The following MOBP variants were observed in gnomAD, a reference collection of about 807,000 sequenced individuals.
MOBP encodes the protein myelin-associated oligodendrocyte basic protein.
MOBP carries 5 observed loss-of-function variants against 15.0 expected under a neutral mutation model. The ratio of observed to expected loss-of-function variants is 0.33; its 90% confidence interval spans 0.17 to 0.70. MOBP has a LOEUF of 0.70. MOBP is among the 30% of genes least tolerant of loss of function. The pLI is 0.67. For missense variants in MOBP, 188 were observed against 257.8 expected (o/e 0.73, Z 1.85); for synonymous variants, 88 against 99.0 (o/e 0.89, Z 0.66).
At chr3:39,475,107 G>A (rs11715885) in intron 1 of MOBP, among the ~76,000 whole-genome samples, 16,121 of 152,008 alleles carry the variant, frequency 0.11, 1,142 homozygotes, top group Middle Eastern at 0.18. Flanking sequence ...TCAGTTTTTC[G>A]TTGTCTTTCA....
rs539938092 is a variant in MOBP, at chr3:39,500,924, T to A, written c.-4-1142T>A. ...TCAAGTGAAACATTGGGAAAGAATA[T>A]TTTTAACATACATAACAGATGTGAC... is the stretch of plus-strand genomic sequence containing the variant. On this transcript the variant is annotated intron_variant, in intron 2 of 3. Transcript: ENST00000684792. Among the ~76,000 whole-genome samples, 5 of 152,318 alleles carry A rather than the reference T, an allele frequency of 3.3e-5. No homozygotes were observed. The South Asian group carries it at 1.0e-3, about 32-fold the overall frequency.
intron 2 of MOBP, among the ~76,000 whole-genome samples, chr3:39,498,472 G>T (rs2042918404): frequency 6.6e-6 from 1 of 151,998 alleles, no homozygotes; most frequent in African/African-American, 2.4e-5. Context: ...TGCCTCAGCT[G>T]CCCGAGTAGC....
At chr3:39,478,387 A>G (rs1311434998) in intron 1 of MOBP, among the ~76,000 whole-genome samples, 4 of 152,226 alleles carry the variant, frequency 2.6e-5, no homozygotes, top group Non-Finnish European at 5.9e-5. Context: ...CTAGGTGTGT[A>G]GCAGGCTAAA....
intron 4 of MOBP, among the ~76,000 whole-genome samples, chr3:39,510,137 T>C (rs1316487062): frequency 6.6e-6 from 1 of 152,154 alleles, no homozygotes; most frequent in African/African-American, 2.4e-5. Flanking sequence ...CAGTTGATCA[T>C]ATATTTATGG....
At chr3:39,524,076 T>C (rs536462251) in intron 3 of MOBP, among the ~76,000 whole-genome samples, 2 of 152,192 alleles carry the variant, frequency 1.3e-5, no homozygotes, top group Non-Finnish European at 2.9e-5. Context: ...GGGCTGGGAT[T>C]GCCACCCTTC....
intron 4 of MOBP, among the ~76,000 whole-genome samples, chr3:39,510,290 T>A (rs931906828): frequency 1.3e-5 from 2 of 152,098 alleles, no homozygotes. Context: ...TTTAAAAAAA[T>A]TGTTCTGGTA....
At chr3:39,483,139 A>ATTGTTCATTGTCT (rs970158383) in intron 2 of MOBP, among the ~76,000 whole-genome samples, 2 of 152,180 alleles carry the variant, frequency 1.3e-5, no homozygotes, top group African/African-American at 4.8e-5. Context: ...TCCTGAGATC[A>ATTGTTCATTGTCT]TTGTTCATTG....
chr3:39,523,646 A>C (rs546447842), intron 3 of MOBP, among the ~76,000 whole-genome samples: 1 of 152,330 alleles, frequency 6.6e-6, no homozygotes, highest in East Asian at 1.9e-4. Flanking sequence ...TATGGCCTAA[A>C]TCTTGATTAT....
Position 39,469,151 on chromosome 3 carries a change from CATATGTGTGTGTGTAT to C in MOBP, c.-89+1413_-89+1428del, listed in dbSNP as rs2042420647. Among the ~76,000 whole-genome samples the C allele has an allele frequency of 7.3e-5, 5 of 68,606 alleles. 1 individual carries two copies. The highest frequency in any genetic ancestry group is 6.5e-4 in the African/African-American group (5 of 7,736). The allele number at this position is 68,606 out of a possible 152,430, so 45.0% of individuals were successfully genotyped here. On this transcript the variant is annotated intron_variant, in intron 1 of 3. Coordinates refer to ENST00000684792, the MANE Select transcript of MOBP (RefSeq NM_001393704.1). ...ATATGTGTGTGTATATACATATATA[CATATGTGTGTGTGTAT>C]ACATATATACATGTGTGTGTGTGTA...
chr3:39,468,936 T>TTGG lies in MOBP; in HGVS notation c.-89+1198_-89+1199insGTG, dbSNP rs1553616165. On this transcript the variant is annotated intron_variant, in intron 1 of 3. Coordinates refer to ENST00000684792, the MANE Select transcript of MOBP (RefSeq NM_001393704.1). ...GAGTGTGTATATATACATATATACATTGTGTGTATATATACATATATACAT... is the reference window on the plus strand; with the variant it reads ...GAGTGTGTATATATACATATATACATTGGTGTGTGTATATATACATATATACAT... 2.6e-4 allele frequency among the ~76,000 whole-genome samples: 14 copies of TTGG among 54,020 alleles called. 3 individuals carry two copies. The East Asian group carries it at 2.6e-3, about 10-fold the overall frequency. The allele number at this position is 54,020 out of a possible 152,430, so 35.4% of individuals were successfully genotyped here.
intron 1 of MOBP, among the ~76,000 whole-genome samples, chr3:39,471,777 C>G (rs1559413287): frequency 6.6e-6 from 1 of 152,190 alleles, no homozygotes; most frequent in African/African-American, 2.4e-5. Flanking sequence ...ATCCAGAGAG[C>G]TAGTAATTAC....
chr3:39,506,700 G>A (rs367954469), downstream of MOBP, among the ~76,000 whole-genome samples: 3 of 152,312 alleles, frequency 2.0e-5, no homozygotes, highest in African/African-American at 7.2e-5. Flanking sequence ...ATGGCAAAGT[G>A]GACTGCAGCA....
At chr3:39,499,085 G>A (rs1318723316) in intron 2 of MOBP, among the ~76,000 whole-genome samples, 1 of 152,168 alleles carries the variant, frequency 6.6e-6, no homozygotes, top group African/African-American at 2.4e-5. Context: ...GACCCTAGAA[G>A]GCCAGAGGAA....
At chr3:39,506,308 A>C (rs747801646), downstream of MOBP, among the ~76,000 whole-genome samples, 13 of 152,034 alleles carry the variant, frequency 8.6e-5, no homozygotes, top group Non-Finnish European at 1.9e-4. Context: ...TTGCTCTTCA[A>C]TTCATTGTGT....
intron 2 of MOBP, among the ~76,000 whole-genome samples, chr3:39,481,887 G>C (rs2042633321): frequency 6.6e-6 from 1 of 152,060 alleles, no homozygotes; most frequent in Non-Finnish European, 1.5e-5. Flanking sequence ...TTTTCCCTTT[G>C]ATTCCTATGA....
At position 39,512,083 on chromosome 3, in the gene MOBP, T is replaced by C. The variant is rs528876457; in HGVS notation, c.*-1300T>C. ...GAATACATTGTGTCACTTAACCCTA[T>C]CTACTAGCATATTATCTCCAACTCA... On this transcript the variant is annotated intron_variant, in intron 4 of 4. Coordinates refer to the MOBP transcript ENST00000311042. 5.9e-5 allele frequency among the ~76,000 whole-genome samples: 9 copies of C among 152,362 alleles called. No homozygotes were observed. In the East Asian group the frequency reaches 1.7e-3, roughly 29 times the overall value.
chr3:39,511,889 G>A (rs1329783203), intron 4 of MOBP, among the ~76,000 whole-genome samples: 1 of 152,162 alleles, frequency 6.6e-6, no homozygotes, highest in Non-Finnish European at 1.5e-5. Context: ...AAAAAGGCAT[G>A]AATTGAAAAG....
At chr3:39,507,012 G>C (rs1408374096), downstream of MOBP, among the ~76,000 whole-genome samples, 1 of 152,078 alleles carries the variant, frequency 6.6e-6, no homozygotes, top group Non-Finnish European at 1.5e-5. Context: ...TCATCTTCTT[G>C]TGAGTGCTTC....
In MOBP at chr3:39,502,386, T is replaced by G. The variant is rs1161695939; in HGVS notation, c.206+111T>G. ...CTCTTCCCCCTAGTCGGCTCCGGGT[T>G]AGGCTCCGACACCGGAAGGCACTCC... On this transcript the variant is annotated intron_variant, in intron 3 of 3. Coordinates refer to ENST00000684792, the MANE Select transcript of MOBP (RefSeq NM_001393704.1). This position sits in a 1 kb window ranked among gnomAD's most constrained non-coding sequence, Gnocchi z 6.3. 1 of 1,546,682 alleles carries G rather than the reference T, an allele frequency of 6.5e-7. No individual in the cohort carries two copies. The highest frequency in any genetic ancestry group is 1.4e-5 in the African/African-American group (1 of 73,878).
Sources: allele counts gnomAD v4.1 joint callset (sites outside exome capture counted in the v4.1 genomes callset), GRCh38; gene constraint gnomAD v4.1.1; non-coding constraint Gnocchi (gnomAD v3.1); transcripts MANE v1.5; gene names NCBI Gene and HGNC (gene_info 2026-07-23, HGNC 2026-07-21).